The following TENM4 variants were observed in gnomAD, a reference collection of about 807,000 sequenced individuals.
TENM4 encodes the protein teneurin-4.
TENM4 carries 82 observed loss-of-function variants against 243.3 expected under a neutral mutation model. The ratio of observed to expected loss-of-function variants is 0.34; its 90% CI spans 0.28 to 0.40. The LOEUF is 0.40. Ranked by LOEUF, TENM4 falls within the 10% of genes least tolerant of loss-of-function variation. The pLI is 1.00. For missense variants in TENM4, 3,138 were observed against 3,673.3 expected, an observed-to-expected ratio of 0.85 and a Z score of 3.77; for synonymous variants, 1,412 against 1,456.3, an observed-to-expected ratio of 0.97 and a Z score of 0.69.
intron 10 of TENM4, among the ~76,000 whole-genome samples, chr11:78,858,577 C>T (rs1858735770): frequency 6.6e-6 from 1 of 152,180 alleles, no homozygotes; most frequent in Admixed American, 6.5e-5. Flanking sequence ...TGCCTTCCTT[C>T]TGTCTTGCTT....
intron 6 of TENM4, among the ~76,000 whole-genome samples, chr11:79,034,253 T>G (rs757506441): frequency 6.6e-6 from 1 of 152,336 alleles, no homozygotes; most frequent in African/African-American, 2.4e-5. Flanking sequence ...AGTTAAAAAC[T>G]ACCACCCTGA....
intron 1 of TENM4, among the ~76,000 whole-genome samples, chr11:79,352,882 A>G (rs1857438450): frequency 6.6e-6 from 1 of 152,166 alleles, no homozygotes; most frequent in South Asian, 2.1e-4. Context: ...AAGAAGTAGA[A>G]AATAAAAAGG....
At chr11:79,340,041 C>T (rs544959425) in intron 1 of TENM4, among the ~76,000 whole-genome samples, 2 of 152,214 alleles carry the variant, frequency 1.3e-5, no homozygotes, top group Admixed American at 6.5e-5. Flanking sequence ...GAGACTTCCT[C>T]GAGCTTTAGA....
intron 1 of TENM4, among the ~76,000 whole-genome samples, chr11:79,408,838 C>G (rs1858627503): frequency 6.6e-6 from 1 of 152,124 alleles, no homozygotes; most frequent in African/African-American, 2.4e-5. Context: ...TTTCCCAGCA[C>G]CCATCAGGTG....
chr11:79,000,711 TAA>T (rs1328535171), intron 6 of TENM4, among the ~76,000 whole-genome samples: 1 of 151,842 alleles, frequency 6.6e-6, no homozygotes, highest in Non-Finnish European at 1.5e-5. Flanking sequence ...AACAGAGAAA[TAA>T]AAAAGACAGG....
At chr11:78,753,764 T>C (rs1408279397) in intron 19 of TENM4, among the ~76,000 whole-genome samples, 1 of 152,198 alleles carries the variant, frequency 6.6e-6, no homozygotes, top group Non-Finnish European at 1.5e-5. Context: ...TTCCATTATC[T>C]ATTCATTTGT....
chr11:78,890,333 G>T (rs923737811), intron 8 of TENM4, among the ~76,000 whole-genome samples: 1 of 152,212 alleles, frequency 6.6e-6, no homozygotes, highest in Non-Finnish European at 1.5e-5. Flanking sequence ...TCCTGGGAAC[G>T]GATGGGGCTG....
intron 9 of TENM4, among the ~76,000 whole-genome samples, chr11:78,876,499 A>C (rs1859271926): frequency 6.6e-6 from 1 of 152,246 alleles, no homozygotes; most frequent in Non-Finnish European, 1.5e-5. Flanking sequence ...CCAGAAAGCC[A>C]TTCCGATCTT....
intron 1 of TENM4, among the ~76,000 whole-genome samples, chr11:79,348,369 A>C (rs1857363627): frequency 6.6e-6 from 1 of 152,180 alleles, no homozygotes; most frequent in African/African-American, 2.4e-5. Context: ...AATCTCCTTC[A>C]TTGGTATCCC....
At chr11:79,305,197 G>A (rs1406233894) in intron 1 of TENM4, among the ~76,000 whole-genome samples, 2 of 152,230 alleles carry the variant, frequency 1.3e-5, no homozygotes, top group East Asian at 3.8e-4. Context: ...GCTTATGTAA[G>A]TTGTGTGACA....
chr11:78,873,542 G>C (rs1414104381), intron 9 of TENM4, among the ~76,000 whole-genome samples: 1 of 152,198 alleles, frequency 6.6e-6, no homozygotes, highest in African/African-American at 2.4e-5. Flanking sequence ...GTTAAGTCCA[G>C]ATGGAACCTG....
intron 28 of TENM4, among the ~76,000 whole-genome samples, chr11:78,694,845 C>A (rs774093207): frequency 6.6e-6 from 1 of 152,104 alleles, no homozygotes; most frequent in Non-Finnish European, 1.5e-5. Context: ...CCTCCAGTGC[C>A]GAATCTCTAA....
chr11:79,270,658 C>T (rs1471696078), intron 2 of TENM4, among the ~76,000 whole-genome samples: 1 of 152,116 alleles, frequency 6.6e-6, no homozygotes, highest in African/African-American at 2.4e-5. Flanking sequence ...TTCTCTCTAT[C>T]TAGAGCACCC....
intron 3 of TENM4, among the ~76,000 whole-genome samples, chr11:79,214,317 A>C (rs1326010948): frequency 6.6e-6 from 1 of 152,112 alleles, no homozygotes; most frequent in Non-Finnish European, 1.5e-5. Context: ...ATATTAATGG[A>C]GCTCCTCAGA....
At chr11:78,964,824 T>A (rs1240357500) in intron 6 of TENM4, among the ~76,000 whole-genome samples, 12 of 152,134 alleles carry the variant, frequency 7.9e-5, no homozygotes, top group Admixed American at 7.9e-4. Context: ...CAGACTTACC[T>A]CCTATTAGTT....
intron 6 of TENM4, among the ~76,000 whole-genome samples, chr11:78,961,659 C>T (rs912500192): frequency 1.1e-4 from 17 of 152,200 alleles, no homozygotes; most frequent in Non-Finnish European, 2.1e-4. Flanking sequence ...TGGGGTAATC[C>T]TTCTCAGTTT....
chr11:78,780,985 A>C (rs75860563), intron 16 of TENM4, among the ~76,000 whole-genome samples: 2,071 of 152,320 alleles, frequency 0.014, 17 homozygotes, highest in African/African-American at 0.03. Flanking sequence ...CTGTGAATCC[A>C]AAAGCTGGTA....
intron 6 of TENM4, among the ~76,000 whole-genome samples, chr11:78,955,424 CA>C (rs1857188736): frequency 6.6e-6 from 1 of 152,192 alleles, no homozygotes; most frequent in Non-Finnish European, 1.5e-5. Context: ...CTGGTGTCCA[CA>C]AGGGATCCAT....
chr11:78,821,023 C>T (rs1857714206), intron 12 of TENM4, among the ~76,000 whole-genome samples: 1 of 152,204 alleles, frequency 6.6e-6, no homozygotes, highest in Non-Finnish European at 1.5e-5. Flanking sequence ...CTTCAGTCTA[C>T]AACAGTCTAG....
Sources: gnomAD v4.1 joint callset for allele counts (sites outside exome capture counted in the v4.1 genomes callset) on GRCh38, gnomAD v4.1.1 for gene constraint, MANE v1.5 for transcripts, NCBI Gene and HGNC (gene_info 2026-07-23, HGNC 2026-07-21) for gene names.